CREB5: variants seen among roughly 807,000 people sequenced by gnomAD.
CREB5 encodes cyclic AMP-responsive element-binding protein 5.
CREB5 carries 19 observed loss-of-function variants against 57.1 expected under a neutral mutation model. The observed-to-expected ratio is 0.33, with a 90% CI of 0.23 to 0.49. The LOEUF (loss-of-function observed/expected upper bound fraction) is 0.49. Among genes scored for constraint, CREB5 ranks in the 20% least tolerant of loss-of-function variants. The pLI is 0.99. For synonymous variants in CREB5, 238 were observed against 238.3 expected, an observed-to-expected ratio of 1.00 and a Z score of 0.01; for missense variants, 579 against 671.6, an observed-to-expected ratio of 0.86 and a Z score of 1.52.
intron 5 of CREB5, among the ~76,000 whole-genome samples, chr7:28,699,272 GA>G (rs1801728448): frequency 6.6e-6 from 1 of 150,686 alleles, no homozygotes; most frequent in African/African-American, 2.4e-5. Flanking sequence ...CTGTGAAAGT[GA>G]AAAAAAGAAA....
intron 7 of CREB5, among the ~76,000 whole-genome samples, chr7:28,757,553 G>A (rs1391328703): frequency 6.6e-6 from 1 of 151,720 alleles, no homozygotes; most frequent in African/African-American, 2.4e-5. Flanking sequence ...GGCGCCTGTA[G>A]TCCCAGCTAC....
intron 4 of CREB5, among the ~76,000 whole-genome samples, chr7:28,530,868 C>T (rs1433210565): frequency 6.6e-6 from 1 of 152,166 alleles, no homozygotes; most frequent in Non-Finnish European, 1.5e-5. Context: ...ATAGTGGTGG[C>T]CTTATTAAGA....
intron 1 of CREB5, among the ~76,000 whole-genome samples, chr7:28,307,437 G>A (rs1170630503): frequency 6.6e-6 from 1 of 152,204 alleles, no homozygotes; most frequent in Non-Finnish European, 1.5e-5. Flanking sequence ...TCACAAAAGG[G>A]GAGACTGGGC....
intron 7 of CREB5, among the ~76,000 whole-genome samples, chr7:28,784,644 A>G (rs536116396): frequency 1.3e-5 from 2 of 152,272 alleles, no homozygotes; most frequent in Admixed American, 1.3e-4. Flanking sequence ...AGTGTGTGGG[A>G]AAGCAAGATT....
At chr7:28,818,909 G>C (rs908258511) in intron 10 of CREB5, 2 of 603,596 alleles carry the variant, frequency 3.3e-6, no homozygotes, top group Non-Finnish European at 5.9e-6. Context: ...GCATGGCTTT[G>C]CTCGTAGATA....
At chr7:28,527,302 A>C (rs1038603600) in intron 4 of CREB5, among the ~76,000 whole-genome samples, 47 of 152,232 alleles carry the variant, frequency 3.1e-4, no homozygotes, top group Non-Finnish European at 1.5e-4. Context: ...TCAGTGCCAT[A>C]CAACTGCTTT....
intron 1 of CREB5, among the ~76,000 whole-genome samples, chr7:28,444,457 G>A (rs940999809): frequency 2.0e-5 from 3 of 152,190 alleles, no homozygotes; most frequent in African/African-American, 7.2e-5. Context: ...TGATGAAGAG[G>A]TTGGTGGCTG....
At chr7:28,592,266 A>C (rs532260034) in intron 5 of CREB5, among the ~76,000 whole-genome samples, 3 of 152,210 alleles carry the variant, frequency 2.0e-5, no homozygotes, top group Non-Finnish European at 2.9e-5. Context: ...CTCAAATAAC[A>C]CAAAACCAGA....
At chr7:28,431,764 C>T (rs768292072) in intron 1 of CREB5, among the ~76,000 whole-genome samples, 8 of 152,090 alleles carry the variant, frequency 5.3e-5, no homozygotes, top group East Asian at 3.9e-4. Context: ...GGTACAGAGG[C>T]GTTCTGGTGG....
At chr7:28,548,165 C>T (rs954040917) in intron 4 of CREB5, among the ~76,000 whole-genome samples, 1 of 152,150 alleles carries the variant, frequency 6.6e-6, no homozygotes, top group Non-Finnish European at 1.5e-5. Flanking sequence ...TGATGCTGTT[C>T]TCTTGGTCTT....
intron 7 of CREB5, among the ~76,000 whole-genome samples, chr7:28,754,202 C>T (rs530383777): frequency 6.6e-6 from 1 of 152,278 alleles, no homozygotes; most frequent in African/African-American, 2.4e-5. Flanking sequence ...AATCTACAGG[C>T]TTTCTGCAGT....
At chr7:28,581,997 G>A (rs1796140837) in intron 5 of CREB5, among the ~76,000 whole-genome samples, 1 of 152,208 alleles carries the variant, frequency 6.6e-6, no homozygotes, top group Non-Finnish European at 1.5e-5. Flanking sequence ...AAGGTTCTTT[G>A]GGTGAATGCC....
chr7:28,730,186 CT>C (rs1803536057), intron 7 of CREB5, among the ~76,000 whole-genome samples: 1 of 151,976 alleles, frequency 6.6e-6, no homozygotes, highest in East Asian at 1.9e-4. Context: ...ATTCTTTTTT[CT>C]TTCTTTTTTT....
intron 3 of CREB5, among the ~76,000 whole-genome samples, chr7:28,507,096 ATTG>A (rs1167684348): frequency 3.9e-5 from 6 of 152,224 alleles, no homozygotes; most frequent in African/African-American, 1.4e-4. Context: ...GAGAGACAGA[ATTG>A]TTAAGTTTTC....
chr7:28,724,173 C>A, intron 6 of CREB5, 49 bp from the exon 7 acceptor site: 1 of 1,515,640 alleles, frequency 6.6e-7, no homozygotes, highest in Non-Finnish European at 9.1e-7. Context: ...TGTCTAATGA[C>A]CTAGACTGCC....
At chr7:28,561,007 T>TGCGTGCGTGC (rs765237919) in intron 4 of CREB5, among the ~76,000 whole-genome samples, 6 of 44,068 alleles carry the variant, frequency 1.4e-4, no homozygotes, top group Admixed American at 6.8e-4. Flanking sequence ...TGCGTGTGCG[T>TGCGTGCGTGC]GTGTGTGTGC....
At chr7:28,608,048 A>G (rs1267279923) in intron 5 of CREB5, among the ~76,000 whole-genome samples, 2 of 148,526 alleles carry the variant, frequency 1.3e-5, no homozygotes, top group Non-Finnish European at 3.0e-5. Context: ...ATCTTATATG[A>G]CTTCCCCTTA....
At chr7:28,445,384 G>C (rs55866965) in intron 1 of CREB5, among the ~76,000 whole-genome samples, 16,221 of 152,056 alleles carry the variant, frequency 0.11, 1,272 homozygotes, top group East Asian at 0.26. Flanking sequence ...TCTTCAGATA[G>C]GCTCTGCCTA....
At chr7:28,466,533 G>A (rs2391666) in intron 1 of CREB5, among the ~76,000 whole-genome samples, 60,061 of 151,970 alleles carry the variant, frequency 0.4, 12,963 homozygotes, top group East Asian at 0.57. Flanking sequence ...CTAAGTCAAC[G>A]GCAATAAATC....
Sources: allele counts gnomAD v4.1 joint callset (sites outside exome capture counted in the v4.1 genomes callset), GRCh38; gene constraint gnomAD v4.1.1; transcripts MANE v1.5; gene names NCBI Gene and HGNC (gene_info 2026-07-23, HGNC 2026-07-21).